The following REPS2 variants were observed in gnomAD, a reference collection of about 807,000 sequenced individuals.
The protein encoded by REPS2 is ralBP1-associated Eps domain-containing protein 2.
In REPS2, 23 loss-of-function variants were observed where a neutral mutation model predicts 53.6. The ratio of observed to expected loss-of-function variants is 0.43; its 90% CI spans 0.31 to 0.61. REPS2 has a LOEUF of 0.61. Among genes scored for constraint, REPS2 ranks in the 20% least tolerant of loss-of-function variants. REPS2 has a pLI of 0.11. For synonymous variants in REPS2, 238 were observed against 218.6 expected (o/e 1.09, Z -0.78); for missense variants, 446 against 534.9 (o/e 0.83, Z 1.64).
intron 16 of REPS2, chrX:17,137,213 A>G: frequency 8.9e-6 from 1 of 112,154 alleles, no homozygotes; most frequent in African/African-American, 3.2e-5. Context: ...AAGAACTACC[A>G]CACTTTTCAT....
chrX:17,078,066 A>G (rs1005808911), intron 13 of REPS2, among the ~76,000 whole-genome samples: 4 of 112,257 alleles, frequency 3.6e-5, no homozygotes, highest in Non-Finnish European at 7.5e-5. Flanking sequence ...GAAGTAGAAG[A>G]TACCCTCCTA....
chrX:16,947,185 G>A, intron 1 of REPS2, 51 bp downstream of exon 1: 1 of 970,613 alleles, frequency 1.0e-6, no homozygotes, highest in Non-Finnish European at 1.3e-6. Flanking sequence ...AGTGTGTGCG[G>A]GGGCGGAGGT....
chrX:17,124,629 T>C (rs1196903057), intron 14 of REPS2, among the ~76,000 whole-genome samples: 2 of 110,609 alleles, frequency 1.8e-5, no homozygotes, highest in Non-Finnish European at 3.8e-5. Context: ...CCAAATGACA[T>C]TTAGAATACT....
At chrX:17,057,971 G>A (rs2062097140) in intron 8 of REPS2, among the ~76,000 whole-genome samples, 1 of 112,328 alleles carries the variant, frequency 8.9e-6, no homozygotes. Context: ...CCTCTTTCAA[G>A]CCCTGGAGAG....
At chrX:17,064,672 A>G (rs2062203308) in intron 9 of REPS2, among the ~76,000 whole-genome samples, 1 of 112,326 alleles carries the variant, frequency 8.9e-6, no homozygotes, top group South Asian at 3.7e-4. Flanking sequence ...AAAGTATACA[A>G]TTCAGTAATT....
At chrX:17,136,647 A>G (rs1443988012) in intron 16 of REPS2, 3 of 112,530 alleles carry the variant, frequency 2.7e-5, no homozygotes, top group Admixed American at 9.4e-5. Flanking sequence ...TTATTGCAAT[A>G]TAATTCACAT....
intron 15 of REPS2, among the ~76,000 whole-genome samples, chrX:17,134,347 C>T (rs941614230): frequency 1.8e-5 from 2 of 111,580 alleles, no homozygotes; most frequent in African/African-American, 3.3e-5. Context: ...CATTGGGTCA[C>T]CTGTAATTTG....
intron 2 of REPS2, among the ~76,000 whole-genome samples, chrX:17,016,790 T>G (rs2061502623): frequency 1.1e-5 from 1 of 90,770 alleles, no homozygotes; most frequent in Non-Finnish European, 2.1e-5. Context: ...TTGCAAATAT[T>G]CAAACATTGT....
At chrX:16,966,201 C>T (rs1424240091) in intron 1 of REPS2, among the ~76,000 whole-genome samples, 5 of 112,178 alleles carry the variant, frequency 4.5e-5, no homozygotes, top group Non-Finnish European at 9.4e-5. Context: ...CACTTTTCTT[C>T]TACTTATCAA....
At chrX:17,024,964 G>T in intron 3 of REPS2, 95 bp from the exon 4 acceptor site, 1 of 1,146,319 alleles carries the variant, frequency 8.7e-7, no homozygotes, top group Non-Finnish European at 1.2e-6. Flanking sequence ...AACCAGCTGG[G>T]TCACCAGCAG....
At chrX:17,010,496 C>T (rs1488572233) in intron 2 of REPS2, among the ~76,000 whole-genome samples, 2 of 111,999 alleles carry the variant, frequency 1.8e-5, no homozygotes, top group Admixed American at 1.9e-4. Flanking sequence ...ATCTCCTCCC[C>T]ACTTTGTTCT....
chrX:17,099,482 C>T (rs1246631731), intron 13 of REPS2, among the ~76,000 whole-genome samples: 1 of 111,922 alleles, frequency 8.9e-6, no homozygotes, highest in Non-Finnish European at 1.9e-5. Flanking sequence ...CTCCCACACA[C>T]CCAGTTCTGC....
chrX:17,087,682 C>G (rs1241963780), intron 13 of REPS2, among the ~76,000 whole-genome samples: 1 of 111,587 alleles, frequency 9.0e-6, no homozygotes, highest in Admixed American at 9.5e-5. Flanking sequence ...TGCCTGTAAT[C>G]TCAGCACCCT....
chrX:17,014,662 A>G (rs2061467071), intron 2 of REPS2, among the ~76,000 whole-genome samples: 1 of 111,870 alleles, frequency 8.9e-6, no homozygotes, highest in Admixed American at 9.5e-5. Flanking sequence ...TTAACGTATA[A>G]GTAGCTGGTA....
downstream of REPS2, among the ~76,000 whole-genome samples, chrX:17,156,847 C>T (rs1052255975): frequency 1.8e-5 from 2 of 112,009 alleles, no homozygotes; most frequent in Non-Finnish European, 3.8e-5. Context: ...TGAACTTCAA[C>T]CCATGTGTGC....
At chrX:17,033,598 C>T (rs1355606808) in intron 5 of REPS2, among the ~76,000 whole-genome samples, 1 of 112,193 alleles carries the variant, frequency 8.9e-6, no homozygotes, top group Non-Finnish European at 1.9e-5. Context: ...GACCATACCA[C>T]TTTTCAAATA....
At chrX:17,138,046 A>C (rs2063394831) in intron 16 of REPS2, 1 of 112,294 alleles carries the variant, frequency 8.9e-6, no homozygotes, top group Non-Finnish European at 1.9e-5. Context: ...TTGCTCTAAG[A>C]ATTCGGTGTT....
At chrX:17,182,691 C>T in the REPS2 span, among the ~76,000 whole-genome samples, 1 of 112,033 alleles carries the variant, frequency 8.9e-6, no homozygotes, top group Admixed American at 9.5e-5. Flanking sequence ...TGTTATTTTG[C>T]GTCTTTCAAA....
In REPS2 at chrX:17,148,963, C is replaced by A. The variant is rs1213958189; in HGVS notation, c.*1482C>A. The stretch of plus-strand genomic sequence containing the variant: ...GCTGAGAGCTTTTAGAACAAGCAGG[C>A]ATTTATTTAATGTTTCCTTAGTCCA... On this transcript the variant is annotated 3_prime_UTR_variant, in exon 18 of 18. Coordinates refer to ENST00000357277, the MANE Select transcript of REPS2 (RefSeq NM_004726.3). The A allele has an allele frequency of 5.3e-6, 2 of 374,918 alleles. No individual in the cohort carries two copies. The highest frequency in any genetic ancestry group is 2.5e-5 in the Admixed American group (1 of 39,552). 30.9% of individuals were successfully genotyped at this position (374,918 alleles called of 1,213,427 possible).
Sources: gnomAD v4.1 joint callset for allele counts (sites outside exome capture counted in the v4.1 genomes callset) on GRCh38, gnomAD v4.1.1 for gene constraint, MANE v1.5 for transcripts, NCBI Gene and HGNC (gene_info 2026-07-23, HGNC 2026-07-21) for gene names.